The following FSTL4 variants were observed in gnomAD, a reference collection of about 807,000 sequenced individuals.
The protein encoded by FSTL4 is follistatin-related protein 4.
FSTL4 carries 28 observed loss-of-function variants against 78.2 expected under a neutral mutation model. The ratio of observed to expected loss-of-function variants is 0.36; its 90% CI spans 0.27 to 0.49. The LOEUF (loss-of-function observed/expected upper bound fraction) is 0.49, where lower values mean the gene tolerates loss of function less well. Among genes scored for constraint, FSTL4 ranks in the 20% least tolerant of loss-of-function variants. FSTL4 has a pLI of 0.98. For missense variants in FSTL4, 922 were observed against 1,084.9 expected, an observed-to-expected ratio of 0.85 and a Z score of 2.11; for synonymous variants, 422 against 440.5, an observed-to-expected ratio of 0.96 and a Z score of 0.53.
the FSTL4 span, among the ~76,000 whole-genome samples, chr5:133,781,797 T>C: frequency 4.6e-4 from 70 of 152,188 alleles, no homozygotes; most frequent in Non-Finnish European, 4.1e-4. Context: ...AGTAGACAAC[T>C]CACTGGGGGT....
chr5:133,693,546 T>A, the FSTL4 span, among the ~76,000 whole-genome samples: 59 of 152,328 alleles, frequency 3.9e-4, 1 homozygote, highest in African/African-American at 1.3e-3. Flanking sequence ...ATTGATAAAC[T>A]GATTTACTTG....
Position 133,207,082 on chromosome 5 carries a change from G to A in FSTL4, c.1716+3109C>T, listed in dbSNP as rs541024810. On this transcript the variant is annotated intron_variant, in intron 14 of 15. Transcript: ENST00000265342. The stretch of plus-strand genomic sequence containing the variant: ...TTTACAAAAATTTAAAGTTTCTTTA[G>A]TGATATACTTTTTTATATGGAGACA... Among the ~76,000 whole-genome samples the A allele has an allele frequency of 8.5e-5, 13 of 152,194 alleles. 1 individual carries two copies. Among genetic ancestry groups the A allele is most frequent in the Admixed American group, 3.9e-4 (6 of 15,296 alleles).
intron 3 of FSTL4, among the ~76,000 whole-genome samples, chr5:133,557,597 C>A (rs930809263): frequency 4.4e-4 from 67 of 152,200 alleles, no homozygotes; most frequent in African/African-American, 1.5e-3. Flanking sequence ...TCCCAGTGAG[C>A]TTTAGCACTT....
At chr5:133,657,759 G>GTTTTTTTTTTTTTTT in the FSTL4 span, among the ~76,000 whole-genome samples, 1 of 111,776 alleles carries the variant, frequency 8.9e-6, no homozygotes, top group Non-Finnish European at 1.8e-5. Flanking sequence ...CTAGCTTACT[G>GTTTTTTTTTTTTTTT]TTTTTTGTTT....
chr5:133,643,973 C>A, the FSTL4 span, among the ~76,000 whole-genome samples: 111 of 152,316 alleles, frequency 7.3e-4, 1 homozygote, highest in Non-Finnish European at 1.3e-4. Flanking sequence ...GCCATTTACA[C>A]TTTCTAACAC....
chr5:133,749,890 T>C, the FSTL4 span, among the ~76,000 whole-genome samples: 2 of 152,182 alleles, frequency 1.3e-5, no homozygotes, highest in Non-Finnish European at 2.9e-5. Flanking sequence ...AGCCAGGTAT[T>C]ATAACAGCTC....
intron 14 of FSTL4, chr5:133,202,677 G>A (rs2126761010): frequency 6.6e-6 from 1 of 152,438 alleles, no homozygotes; most frequent in Non-Finnish European, 1.5e-5. Context: ...CTGACATGCT[G>A]GGCTGTTGAG....
chr5:133,714,528 G>A, the FSTL4 span, among the ~76,000 whole-genome samples: 1 of 152,180 alleles, frequency 6.6e-6, no homozygotes, highest in African/African-American at 2.4e-5. Flanking sequence ...AAAAATACTC[G>A]ATGCCTCTTT....
chr5:133,665,420 C>T, the FSTL4 span, among the ~76,000 whole-genome samples: 3 of 152,174 alleles, frequency 2.0e-5, no homozygotes, highest in Non-Finnish European at 4.4e-5. Context: ...GATGTTAACA[C>T]CCATTGCTTT....
At chr5:133,577,142 A>C (rs1760301413) in intron 2 of FSTL4, among the ~76,000 whole-genome samples, 1 of 152,198 alleles carries the variant, frequency 6.6e-6, no homozygotes, top group East Asian at 1.9e-4. Flanking sequence ...TCAGCACACC[A>C]TGTCTGGGTC....
chr5:133,715,420 T>A, the FSTL4 span, among the ~76,000 whole-genome samples: 395 of 152,340 alleles, frequency 2.6e-3, no homozygotes, highest in African/African-American at 8.7e-3. Flanking sequence ...AGTGCTTCAT[T>A]TGCATTTTCT....
At chr5:133,216,061 T>C (rs929308968) in intron 13 of FSTL4, among the ~76,000 whole-genome samples, 17 of 152,188 alleles carry the variant, frequency 1.1e-4, no homozygotes, top group African/African-American at 3.6e-4. Context: ...TGGGGGCTAT[T>C]ATTTAGCCTA....
chr5:133,793,615 T>C, the FSTL4 span, among the ~76,000 whole-genome samples: 1 of 152,214 alleles, frequency 6.6e-6, no homozygotes, highest in Non-Finnish European at 1.5e-5. Flanking sequence ...CTGACCTGAT[T>C]CCACACTGCG....
chr5:133,423,186 T>C (rs765968182), intron 3 of FSTL4, among the ~76,000 whole-genome samples: 1 of 152,266 alleles, frequency 6.6e-6, no homozygotes, highest in Non-Finnish European at 1.5e-5. Flanking sequence ...CACGAATGAA[T>C]GGGCGGCTTG....
chr5:133,224,310 A>G (rs1751257683), intron 10 of FSTL4, 94 bp from the exon 11 acceptor site: 1 of 906,030 alleles, frequency 1.1e-6, no homozygotes. Context: ...GATTCCATTT[A>G]TGAAGATCCT....
chr5:133,211,626 C>T (rs978579957), intron 13 of FSTL4, among the ~76,000 whole-genome samples: 5 of 152,206 alleles, frequency 3.3e-5, no homozygotes, highest in African/African-American at 9.6e-5. Flanking sequence ...TTTCTGAATT[C>T]GTGCCGAATT....
chr5:133,373,925 A>G lies in FSTL4; in HGVS notation c.409+26813T>C, dbSNP rs938268482. On this transcript the variant is annotated intron_variant, in intron 4 of 15. Transcript: ENST00000265342. ...GAGTTATCCCCACCCCTCAGGAAGCATGGGAAGTTTCTTCCCTTAGACTCC... is the reference window on the plus strand; with the variant it reads ...GAGTTATCCCCACCCCTCAGGAAGCGTGGGAAGTTTCTTCCCTTAGACTCC... Among the ~76,000 whole-genome samples the G allele has an allele frequency of 7.2e-5, 11 of 152,304 alleles. No individual in the cohort carries two copies. In the South Asian group the frequency reaches 2.1e-3, roughly 29 times the overall value.
chr5:133,272,433 G>A (rs990668468), intron 6 of FSTL4, among the ~76,000 whole-genome samples: 3 of 152,316 alleles, frequency 2.0e-5, no homozygotes, highest in Non-Finnish European at 2.9e-5. Context: ...CGCGTGCAGC[G>A]CCGTGACGTG....
At chr5:133,716,876 C>A in the FSTL4 span, among the ~76,000 whole-genome samples, 1 of 152,214 alleles carries the variant, frequency 6.6e-6, no homozygotes, top group Non-Finnish European at 1.5e-5. Context: ...CACAACATTT[C>A]TTAAATTACT....
Sources: gnomAD v4.1 joint callset for allele counts (sites outside exome capture counted in the v4.1 genomes callset) on GRCh38, gnomAD v4.1.1 for gene constraint, MANE v1.5 for transcripts, NCBI Gene and HGNC (gene_info 2026-07-23, HGNC 2026-07-21) for gene names.